DISP3: variants seen among roughly 807,000 people sequenced by gnomAD.
The protein encoded by DISP3 is dispatched RND transporter family member 3, also known as protein dispatched homolog 3.
In DISP3, 101 loss-of-function variants were observed where a neutral mutation model predicts 135.3. The observed-to-expected ratio is 0.75, with a 90% confidence interval of 0.64 to 0.88. The LOEUF (loss-of-function observed/expected upper bound fraction) is 0.88. Ranked by LOEUF, DISP3 falls within the 40% of genes least tolerant of loss-of-function variation. DISP3 has a pLI of 0.00. For synonymous variants in DISP3, 856 were observed against 817.0 expected (o/e 1.05, Z -0.81); for missense variants, 1,713 against 1,878.6 (o/e 0.91, Z 1.63).
chr1:11,496,858 G>A (rs907384346), intron 1 of DISP3, among the ~76,000 whole-genome samples: 2 of 152,176 alleles, frequency 1.3e-5, no homozygotes, highest in East Asian at 1.9e-4. Flanking sequence ...TTACCATCCC[G>A]CTCTGAGATA....
intron 3 of DISP3, among the ~76,000 whole-genome samples, chr1:11,506,150 A>G (rs1034507018): frequency 1.3e-5 from 2 of 152,138 alleles, no homozygotes; most frequent in African/African-American, 4.8e-5. Context: ...GCCATTAAAA[A>G]TTCTCTTTTT....
At chr1:11,534,749 C>T in intron 18 of DISP3, 1 of 782,122 alleles carries the variant, frequency 1.3e-6, no homozygotes, top group Admixed American at 2.3e-5. Context: ...CTGATCTGGA[C>T]TTTGGCCACC....
rs1311315336 is a variant in DISP3 at position 11,530,967 on chromosome 1, C to T, written c.3163C>T (p.Leu1055Phe). ...CAAGGAAATTGGGCACCTGTGTCAC[C>T]TCTGCAAGGCCATCGCAGCCAACTC... ...LFKEIGHLCH[L>F]CKAIAANSEL... The change falls in exon 16 of 21, where the codon CTC (leucine) becomes TTC (phenylalanine). Residue 1055 changes from leucine to phenylalanine, a missense_variant. By Grantham distance (22) the Leu-to-Phe change is conservative (BLOSUM62 0). This residue lies in a region of DISP3 where 1,142 missense variants were observed against 1,384.6 expected (regional missense o/e 0.82). Coordinates refer to ENST00000294484, the MANE Select transcript of DISP3 (RefSeq NM_020780.2). 1 of 1,614,044 alleles carries T rather than the reference C, an allele frequency of 6.2e-7. No homozygotes were observed. The highest frequency in any genetic ancestry group is 8.5e-7 in the Non-Finnish European group (1 of 1,180,012).
chr1:11,502,656 G>A (rs749211112), intron 2 of DISP3, 22 bp from the exon 3 acceptor site: 2 of 1,605,856 alleles, frequency 1.2e-6, no homozygotes, highest in East Asian at 2.2e-5. Context: ...AACTCTTGGG[G>A]CCCCCACCCC....
chr1:11,533,908 C>T, intron 17 of DISP3: 2 of 714,322 alleles, frequency 2.8e-6, no homozygotes, highest in South Asian at 1.5e-5. Flanking sequence ...CTGCTCCTGC[C>T]CTTGCAATTC....
intron 13 of DISP3, 48 bp downstream of exon 13, chr1:11,526,883 C>T: frequency 6.4e-7 from 1 of 1,561,488 alleles, no homozygotes; most frequent in Non-Finnish European, 8.7e-7. Flanking sequence ...CCGGCTGCTT[C>T]TTTGCCCTTT....
Position 11,536,838 on chromosome 1 carries a change from TG to T in DISP3, c.*154del. 9.5e-7 allele frequency: 1 copy of T among 1,056,240 alleles called. No homozygotes were observed. The highest frequency in any genetic ancestry group is 1.7e-5 in the South Asian group (1 of 58,008). The allele number at this position is 1,056,240 out of a possible 1,614,324, so 65.4% of individuals were successfully genotyped here. A position where few individuals can be genotyped will look rare whatever the true frequency, so the allele number is the denominator to read the frequency against. The stretch of plus-strand genomic sequence containing the variant: ...GAGGCTGACACCCACACAGATGGTG[TG>T]GACCATGCTGCCTTGTGGAGCTGGG... On this transcript the variant is annotated 3_prime_UTR_variant, in exon 21 of 21. Transcript: ENST00000294484. The surrounding 1 kb of genome is among the most constrained non-coding windows in gnomAD (Gnocchi z 4.3).
At chr1:11,530,825 C>A in intron 15 of DISP3, 82 bp from the exon 16 acceptor site, 1 of 1,560,740 alleles carries the variant, frequency 6.4e-7, no homozygotes, top group South Asian at 1.2e-5. Context: ...GGAGGTTCTG[C>A]CCCAGGGTTG....
chr1:11,530,467 C>T (rs777384308), intron 15 of DISP3, among the ~76,000 whole-genome samples: 13 of 152,086 alleles, frequency 8.5e-5, no homozygotes, highest in Non-Finnish European at 1.5e-4. Context: ...GCGGGGTACA[C>T]GGGAATGGCA....
In DISP3 at chr1:11,516,038, C is replaced by T; in HGVS notation, c.1626C>T (p.Arg542=). 1 of 1,614,096 alleles carries T rather than the reference C, an allele frequency of 6.2e-7. No homozygotes were observed. The highest frequency in any genetic ancestry group is 8.5e-7 in the Non-Finnish European group (1 of 1,179,976). ...TCTTTGTGTTCATCAACACCTACCG[C>T]CAGGCCACCCACCTGGAAGACCCAC... The part of the protein sequence containing the change: ...DDVFVFINTY[R]QATHLEDPQL... The change falls in exon 6 of 21, where the codon CGC becomes CGT. Residue 542 remains arginine, a synonymous_variant. Coordinates refer to ENST00000294484, the MANE Select transcript of DISP3 (RefSeq NM_020780.2). This position sits in a 1 kb window ranked among gnomAD's most constrained non-coding sequence, Gnocchi z 5.1.
At chr1:11,487,991 T>C (rs1641085193) in intron 1 of DISP3, among the ~76,000 whole-genome samples, 1 of 152,166 alleles carries the variant, frequency 6.6e-6, no homozygotes, top group Admixed American at 6.5e-5. Flanking sequence ...TATCATGGAA[T>C]AACTGGTGCG....
At chr1:11,496,963 A>G (rs1054350721) in intron 1 of DISP3, among the ~76,000 whole-genome samples, 9 of 152,358 alleles carry the variant, frequency 5.9e-5, no homozygotes, top group Non-Finnish European at 1.2e-4. Flanking sequence ...GTTGACCACC[A>G]GTCTGGTGTG....
chr1:11,512,180 T>C (rs1641875248), intron 3 of DISP3, among the ~76,000 whole-genome samples: 1 of 152,310 alleles, frequency 6.6e-6, no homozygotes, highest in Non-Finnish European at 1.5e-5. Flanking sequence ...ATCCCCATGG[T>C]CTTGGGGATT....
chr1:11,524,659 G>C (rs1395329001), intron 11 of DISP3, among the ~76,000 whole-genome samples: 4 of 69,396 alleles, frequency 5.8e-5, no homozygotes, highest in Admixed American at 2.0e-4. Context: ...CCCCATCCCT[G>C]TGCCCACCAT....
intron 1 of DISP3, among the ~76,000 whole-genome samples, chr1:11,480,764 C>T (rs912649035): frequency 2.6e-4 from 39 of 151,826 alleles, no homozygotes; most frequent in Non-Finnish European, 4.6e-4. Context: ...AACACCCCCT[C>T]CCCACCTCCT....
rs1452416153 is a variant in DISP3, at chr1:11,529,409, C to T, written c.2799-147C>T. ...CAGGGCACATCCCCCAGCCCTCAAC[C>T]TGAGAACAAATCCCCATGCCGGGGC... On this transcript the variant is annotated intron_variant, in intron 13 of 20. Coordinates refer to ENST00000294484, the MANE Select transcript of DISP3 (RefSeq NM_020780.2). The surrounding 1 kb of genome is among the most constrained non-coding windows in gnomAD (Gnocchi z 4.7). 2.0e-6 allele frequency: 2 copies of T among 1,008,882 alleles called. No individual in the cohort carries two copies. Among genetic ancestry groups the T allele is most frequent in the African/African-American group, 3.2e-5 (2 of 61,730 alleles). The allele number at this position is 1,008,882 out of a possible 1,614,324, so 62.5% of individuals were successfully genotyped here. A position where few individuals can be genotyped will look rare whatever the true frequency, so the allele number is the denominator to read the frequency against.
At position 11,517,487 on chromosome 1, in the gene DISP3, C is replaced by A; in HGVS notation, c.1774C>A (p.Leu592Met). Residue 592 changes from leucine to methionine, a missense_variant, in exon 7 of 21, where the codon CTG becomes ATG. Transcript: ENST00000294484. ...GATCCCAGCCGTCCACGACTTTGGC[C>A]TGTTCATGTCTCTCATCGTGTCCTG... Reference protein sequence around the residue: ...SQIPAVHDFGLFMSLIVSCCW... With the variant: ...SQIPAVHDFGMFMSLIVSCCW... 6.2e-7 allele frequency: 1 copy of A among 1,614,224 alleles called. No homozygotes were observed. The highest frequency in any genetic ancestry group is 8.5e-7 in the Non-Finnish European group (1 of 1,180,038).
chr1:11,498,401 G>A (rs562321245), intron 1 of DISP3, among the ~76,000 whole-genome samples: 117 of 152,306 alleles, frequency 7.7e-4, no homozygotes, highest in African/African-American at 2.8e-3. Context: ...TCAGCAGGAA[G>A]TCCTACGAGT....
rs113856874 is a variant in DISP3 at position 11,516,443 on chromosome 1, G to A, written c.1749+282G>A. On this transcript the variant is annotated intron_variant, in intron 6 of 20. Coordinates refer to ENST00000294484, the MANE Select transcript of DISP3 (RefSeq NM_020780.2). This position sits in a 1 kb window ranked among gnomAD's most constrained non-coding sequence, Gnocchi z 5.1. Reference sequence around the variant, plus strand: ...TTGGCAGTTTCCAAAGCTCTTTCTCGTTTAATCTTCATTACCACGGTAATT... The same window carrying A: ...TTGGCAGTTTCCAAAGCTCTTTCTCATTTAATCTTCATTACCACGGTAATT... Among the ~76,000 whole-genome samples the A allele has an allele frequency of 4.8e-4, 73 of 152,236 alleles. No homozygotes were observed. Among genetic ancestry groups the A allele is most frequent in the African/African-American group, 1.6e-3 (67 of 41,528 alleles).
Sources: allele counts gnomAD v4.1 joint callset (sites outside exome capture counted in the v4.1 genomes callset), GRCh38; gene constraint gnomAD v4.1.1; regional missense constraint gnomAD v4.1.1; non-coding constraint Gnocchi (gnomAD v3.1); transcripts MANE v1.5; gene names NCBI Gene and HGNC (gene_info 2026-07-23, HGNC 2026-07-21).